Variants in SLC8A1 observed in about 807,000 individuals in gnomAD.
SLC8A1 encodes solute carrier family 8 member A1.
In SLC8A1, 18 loss-of-function variants were observed where a neutral mutation model predicts 68.3. The observed-to-expected ratio is 0.26, with a 90% CI of 0.18 to 0.39. The LOEUF (loss-of-function observed/expected upper bound fraction) is 0.39, where lower values mean the gene tolerates loss of function less well. Ranked by LOEUF, SLC8A1 falls within the 10% of genes least tolerant of loss-of-function variation. The pLI, the probability that SLC8A1 is intolerant of heterozygous loss-of-function variation, is 1.00. For synonymous variants in SLC8A1, 475 were observed against 415.5 expected, an observed-to-expected ratio of 1.14 and a Z score of -1.74; for missense variants, 985 against 1,156.7, an observed-to-expected ratio of 0.85 and a Z score of 2.15.
chr2:40,191,643 C>G (rs1401834213), intron 2 of SLC8A1, among the ~76,000 whole-genome samples: 1 of 152,176 alleles, frequency 6.6e-6, no homozygotes, highest in East Asian at 1.9e-4. Context: ...AATTGAACCA[C>G]TGGACCAAAC....
chr2:40,190,569 G>A (rs1310756502), intron 2 of SLC8A1: 1 of 152,092 alleles, frequency 6.6e-6, no homozygotes, highest in East Asian at 1.9e-4. Context: ...AGAAAGAAAT[G>A]CATGATTTTC....
chr2:40,402,248 A>T (rs1269408141), intron 2 of SLC8A1, among the ~76,000 whole-genome samples: 2 of 152,228 alleles, frequency 1.3e-5, no homozygotes, highest in African/African-American at 4.8e-5. Flanking sequence ...CACCAGCACC[A>T]TGACAGTTTA....
intron 2 of SLC8A1, among the ~76,000 whole-genome samples, chr2:40,325,551 T>C (rs943657296): frequency 2.0e-5 from 3 of 152,142 alleles, no homozygotes; most frequent in Non-Finnish European, 4.4e-5. Flanking sequence ...TTACATGTTA[T>C]ATTATAATAC....
chr2:40,190,229 TC>T (rs1420218315), intron 2 of SLC8A1, among the ~76,000 whole-genome samples: 1 of 152,204 alleles, frequency 6.6e-6, no homozygotes, highest in African/African-American at 2.4e-5. Flanking sequence ...CCACTCAACT[TC>T]AGCCCTCATC....
chr2:40,250,278 C>T (rs1017070244), intron 2 of SLC8A1: 2 of 152,150 alleles, frequency 1.3e-5, no homozygotes, highest in Admixed American at 1.3e-4. Context: ...AGACAAATTA[C>T]TTAACATGTT....
At chr2:40,435,636 G>T (rs888964256) in intron 1 of SLC8A1, among the ~76,000 whole-genome samples, 2 of 152,112 alleles carry the variant, frequency 1.3e-5, no homozygotes, top group Non-Finnish European at 2.9e-5. Context: ...AGGAAATGAA[G>T]AAACTAGGGT....
At chr2:40,298,995 C>T (rs1325349719) in intron 2 of SLC8A1, among the ~76,000 whole-genome samples, 2 of 152,128 alleles carry the variant, frequency 1.3e-5, no homozygotes, top group African/African-American at 4.8e-5. Flanking sequence ...TGGCAATGAA[C>T]CTGGATCTAC....
At chr2:40,441,967 G>A (rs1003719018) in intron 1 of SLC8A1, among the ~76,000 whole-genome samples, 3 of 142,330 alleles carry the variant, frequency 2.1e-5, no homozygotes, top group Admixed American at 1.5e-4. Context: ...AACTAGCATC[G>A]TTTTCTTAAT....
intron 2 of SLC8A1, among the ~76,000 whole-genome samples, chr2:40,234,155 T>C (rs2060051353): frequency 6.6e-6 from 1 of 152,204 alleles, no homozygotes; most frequent in Non-Finnish European, 1.5e-5. Context: ...GGTGGCTTGA[T>C]GGGGATGGCA....
intron 2 of SLC8A1, among the ~76,000 whole-genome samples, chr2:40,219,875 ATTTTTTTTTT>A (rs1162934399): frequency 2.2e-4 from 6 of 27,794 alleles, no homozygotes; most frequent in African/African-American, 4.6e-4. Context: ...CTACTATAGG[ATTTTTTTTTT>A]TTTTTTTTTT....
intron 2 of SLC8A1, among the ~76,000 whole-genome samples, chr2:40,228,923 A>G (rs2059317614): frequency 6.6e-6 from 1 of 152,164 alleles, no homozygotes; most frequent in Admixed American, 6.5e-5. Flanking sequence ...CAAATTACAT[A>G]TTTTACTAAA....
At chr2:40,260,560 A>T (rs2064555776) in intron 2 of SLC8A1, among the ~76,000 whole-genome samples, 1 of 152,228 alleles carries the variant, frequency 6.6e-6, no homozygotes, top group African/African-American at 2.4e-5. Context: ...ATAAGTTCAA[A>T]GACATTTAAA....
At chr2:40,434,011 T>G (rs1203284618) in intron 1 of SLC8A1, among the ~76,000 whole-genome samples, 2 of 152,174 alleles carry the variant, frequency 1.3e-5, no homozygotes, top group African/African-American at 4.8e-5. Context: ...CAATCTGGTC[T>G]TTTAGCAATT....
At chr2:40,124,776 T>C (rs1392824605) in intron 7 of SLC8A1, among the ~76,000 whole-genome samples, 1 of 152,064 alleles carries the variant, frequency 6.6e-6, no homozygotes. Context: ...AAAAATAAAT[T>C]GCAACTTCAT....
upstream of SLC8A1, chr2:40,452,203 C>G (rs1210887333): frequency 1.3e-5 from 2 of 148,160 alleles, no homozygotes; most frequent in Non-Finnish European, 3.0e-5. Context: ...CTCGCCCGCC[C>G]GCCGCCCGCA....
chr2:40,443,399 C>T (rs528015780), intron 1 of SLC8A1, among the ~76,000 whole-genome samples: 18 of 152,252 alleles, frequency 1.2e-4, no homozygotes, highest in African/African-American at 4.1e-4. Flanking sequence ...AACATCTAAG[C>T]TGAGATTTAA....
chr2:40,226,981 A>G (rs1352799108), intron 2 of SLC8A1, among the ~76,000 whole-genome samples: 1 of 152,106 alleles, frequency 6.6e-6, no homozygotes. Context: ...CACAACTAAG[A>G]GACATTTTAA....
At chr2:40,399,828 T>G (rs796198649) in intron 2 of SLC8A1, among the ~76,000 whole-genome samples, 86 of 152,266 alleles carry the variant, frequency 5.6e-4, no homozygotes, top group African/African-American at 2.0e-3. Context: ...CCCCTCATAT[T>G]GCCTTATGCC....
chr2:40,330,397 C>T (rs1054933340), intron 2 of SLC8A1, among the ~76,000 whole-genome samples: 1 of 152,024 alleles, frequency 6.6e-6, no homozygotes, highest in African/African-American at 2.4e-5. Context: ...TGTTGTTGGA[C>T]TAAACGTAAG....
Sources: allele counts gnomAD v4.1 joint callset (sites outside exome capture counted in the v4.1 genomes callset), GRCh38; gene constraint gnomAD v4.1.1; transcripts MANE v1.5; gene names NCBI Gene and HGNC (gene_info 2026-07-23, HGNC 2026-07-21).